Variants in MIB1 observed in about 807,000 individuals in gnomAD.
MIB1 encodes MIB E3 ubiquitin protein ligase 1.
A neutral mutation model predicts 124.5 loss-of-function variants in MIB1; 278 were observed. The observed-to-expected ratio is 2.23, with a 90% CI of 2.02 to 2.47. MIB1 has a LOEUF of 2.47. Among genes scored for constraint, MIB1 ranks in the 30% most tolerant of loss-of-function variants. MIB1 has a pLI of 0.00. For synonymous variants in MIB1, 446 were observed against 429.4 expected (o/e 1.04, Z -0.48); for missense variants, 957 against 1,254.4 (o/e 0.76, Z 3.58).
intron 6 of MIB1, among the ~76,000 whole-genome samples, chr18:21,782,209 G>T (rs1234365393): frequency 2.0e-5 from 3 of 152,080 alleles, no homozygotes; most frequent in Non-Finnish European, 4.4e-5. Flanking sequence ...TGCAACCTCT[G>T]CCTTCTGGGT....
chr18:21,816,329 C>T (rs1016618726), intron 11 of MIB1, among the ~76,000 whole-genome samples: 1 of 152,154 alleles, frequency 6.6e-6, no homozygotes, highest in Non-Finnish European at 1.5e-5. Context: ...TCCCCAGCTA[C>T]AGTTTTATAA....
At chr18:21,774,738 A>G (rs554374142) in intron 4 of MIB1, among the ~76,000 whole-genome samples, 2 of 151,990 alleles carry the variant, frequency 1.3e-5, no homozygotes, top group South Asian at 4.1e-4. Flanking sequence ...TCAACTGTCT[A>G]TGTTCTTGTT....
At chr18:21,834,350 G>C (rs554175582) in intron 12 of MIB1, among the ~76,000 whole-genome samples, 1 of 152,080 alleles carries the variant, frequency 6.6e-6, no homozygotes, top group Non-Finnish European at 1.5e-5. Flanking sequence ...AGATGAGAGG[G>C]CTGTAGGTCT....
At position 21,868,563 on chromosome 18, in the gene MIB1, CAT is replaced by C. The variant is rs1013637569; in HGVS notation, c.*3899_*3900del. The C allele has an allele frequency of 2.0e-5, 3 of 152,368 alleles. No individual in the cohort carries two copies. The highest frequency in any genetic ancestry group is 7.2e-5 in the African/African-American group (3 of 41,432). The allele number at this position is 152,368 out of a possible 1,614,324, so 9.4% of individuals were successfully genotyped here. On this transcript the variant is annotated 3_prime_UTR_variant, in exon 21 of 21. Transcript: ENST00000261537. ...AGCTTTGAGTTTGTACAATTGGGAA[CAT>C]AATAGATTTTCATAAATTATGTGTG...
rs79469976 is a variant in MIB1, at chr18:21,786,997, T to C, written c.909-4377T>C. Reference sequence around the variant, plus strand: ...TGTTTATTTTCTTATCTGCCTTATATGGCTTCGTATTGAAAGATCATTTTT... The same window carrying C: ...TGTTTATTTTCTTATCTGCCTTATACGGCTTCGTATTGAAAGATCATTTTT... On this transcript the variant is annotated intron_variant, in intron 6 of 20. Transcript: ENST00000261537. Among the ~76,000 whole-genome samples the C allele has an allele frequency of 2.6e-3, 391 of 152,260 alleles. 6 individuals are homozygous for C. The East Asian group carries it at 0.061, about 24-fold the overall frequency.
At chr18:21,794,156 C>G (rs1276131991) in intron 7 of MIB1, 1 of 151,198 alleles carries the variant, frequency 6.6e-6, no homozygotes, top group East Asian at 1.9e-4. Context: ...GTGAGACTGA[C>G]TCTTAAAAAA....
chr18:21,834,229 T>C (rs1165495997), intron 12 of MIB1, among the ~76,000 whole-genome samples: 1 of 152,154 alleles, frequency 6.6e-6, no homozygotes. Context: ...CCAGAAACTG[T>C]TTTGCTTAAC....
At chr18:21,783,973 C>A (rs931419280) in intron 6 of MIB1, among the ~76,000 whole-genome samples, 1 of 151,786 alleles carries the variant, frequency 6.6e-6, no homozygotes, top group African/African-American at 2.4e-5. Flanking sequence ...GAACTCTTTG[C>A]CTCAGGCAAT....
intron 12 of MIB1, among the ~76,000 whole-genome samples, chr18:21,830,190 G>A (rs1411336422): frequency 6.6e-6 from 1 of 152,050 alleles, no homozygotes; most frequent in Admixed American, 6.6e-5. Flanking sequence ...CACCATGCAC[G>A]TTCTGATTTA....
At position 21,865,911 on chromosome 18, in the gene MIB1, C is replaced by CAAACAAAAAAAA. The variant is rs1361931417; in HGVS notation, c.*1253_*1254insAAAAAAACAAAA. On this transcript the variant is annotated 3_prime_UTR_variant, in exon 21 of 21. Transcript: ENST00000261537. ...TCTGCTTACCTGTAGACTTTAAAAA[C>CAAACAAAAAAAA]AAACAAAATTTTTGGAGCATTTAAT... 1.3e-5 allele frequency: 2 copies of CAAACAAAAAAAA among 152,010 alleles called. No individual in the cohort carries two copies. Among genetic ancestry groups the CAAACAAAAAAAA allele is most frequent in the East Asian group, 3.9e-4 (2 of 5,192 alleles). 9.4% of individuals were successfully genotyped at this position (152,010 alleles called of 1,614,324 possible).
intron 20 of MIB1, among the ~76,000 whole-genome samples, chr18:21,858,977 C>T (rs1462109700): frequency 2.0e-5 from 3 of 152,180 alleles, no homozygotes; most frequent in African/African-American, 7.2e-5. Context: ...GAATATGTAG[C>T]AGCCGTAACT....
chr18:21,719,710 GC>G (rs1238011915), intron 1 of MIB1, among the ~76,000 whole-genome samples: 2 of 151,314 alleles, frequency 1.3e-5, no homozygotes, highest in East Asian at 3.9e-4. Flanking sequence ...GCCCTCCTTG[GC>G]CTCCCAAAGT....
At chr18:21,860,098 C>CTTTTTTTTTT (rs398032096) in intron 20 of MIB1, among the ~76,000 whole-genome samples, 281 of 26,460 alleles carry the variant, frequency 0.011, 67 homozygotes, top group Admixed American at 0.013. Flanking sequence ...TTCTTTATGT[C>CTTTTTTTTTT]TTTTTTTTTT....
intron 1 of MIB1, among the ~76,000 whole-genome samples, chr18:21,745,984 G>C: frequency 6.6e-6 from 1 of 152,110 alleles, no homozygotes; most frequent in South Asian, 2.1e-4. Flanking sequence ...GGGATTACAA[G>C]TGTGAGCCAC....
intron 12 of MIB1, 125 bp from the exon 13 acceptor site, chr18:21,838,240 G>A (rs2042051382): frequency 1.7e-6 from 1 of 600,084 alleles, no homozygotes; most frequent in Admixed American, 3.8e-5. Context: ...TAGAAAAGTA[G>A]AATTTCTATT....
intron 8 of MIB1, among the ~76,000 whole-genome samples, chr18:21,799,546 A>G (rs1319250228): frequency 3.9e-5 from 6 of 152,062 alleles, no homozygotes; most frequent in Non-Finnish European, 7.4e-5. Context: ...GTGTTTATTC[A>G]TAAACTTCTT....
At chr18:21,787,446 G>A (rs1470520114) in intron 6 of MIB1, among the ~76,000 whole-genome samples, 1 of 152,178 alleles carries the variant, frequency 6.6e-6, no homozygotes, top group Non-Finnish European at 1.5e-5. Flanking sequence ...TACCCTTAGG[G>A]ATTTTTCTTC....
chr18:21,803,283 A>G (rs1034968791), intron 9 of MIB1, among the ~76,000 whole-genome samples: 7 of 152,098 alleles, frequency 4.6e-5, no homozygotes, highest in East Asian at 3.9e-4. Flanking sequence ...GATTTTGTGG[A>G]TGGGATGTAA....
chr18:21,775,077 C>T (rs1413148755), intron 4 of MIB1, among the ~76,000 whole-genome samples: 1 of 151,958 alleles, frequency 6.6e-6, no homozygotes, highest in African/African-American at 2.4e-5. Flanking sequence ...TTCCTAGTAG[C>T]TGGGACTGTA....
Sources: gnomAD v4.1 joint callset for allele counts (sites outside exome capture counted in the v4.1 genomes callset) on GRCh38, gnomAD v4.1.1 for gene constraint, MANE v1.5 for transcripts, NCBI Gene and HGNC (gene_info 2026-07-23, HGNC 2026-07-21) for gene names.